USP42: variants seen among roughly 807,000 people sequenced by gnomAD.
USP42 encodes the protein ubiquitin specific peptidase 42.
In USP42, 23 loss-of-function variants were observed where a neutral mutation model predicts 113.0. The observed-to-expected ratio is 0.20, with a 90% CI of 0.15 to 0.29. The LOEUF is 0.29. Among genes scored for constraint, USP42 ranks in the 10% least tolerant of loss-of-function variants. The pLI, the probability that USP42 is intolerant of heterozygous loss-of-function variation, is 1.00. For synonymous variants in USP42, 933 were observed against 699.0 expected, an observed-to-expected ratio of 1.33 and a Z score of -5.28; for missense variants, 2,174 against 1,779.8, an observed-to-expected ratio of 1.22 and a Z score of -3.99.
chr7:6,107,228 T>A (rs959186498), intron 1 of USP42, among the ~76,000 whole-genome samples: 20 of 152,184 alleles, frequency 1.3e-4, no homozygotes, highest in Non-Finnish European at 2.2e-4. Flanking sequence ...TTGTCCCTTT[T>A]AAAAGGTAAT....
chr7:6,116,886 C>T (rs768244961), intron 3 of USP42: 15 of 527,378 alleles, frequency 2.8e-5, no homozygotes, highest in Non-Finnish European at 4.6e-5. Context: ...AGCACCTGGA[C>T]AGCAAGAGAG....
intron 14 of USP42, 85 bp downstream of exon 14, chr7:6,150,591 T>A: frequency 8.9e-7 from 1 of 1,120,604 alleles, no homozygotes; most frequent in Non-Finnish European, 1.3e-6. Flanking sequence ...TTGAATGCTG[T>A]AGAAATTTTA....
chr7:6,102,946 C>T (rs1413617317), upstream of USP42, among the ~76,000 whole-genome samples: 2 of 151,002 alleles, frequency 1.3e-5, no homozygotes, highest in Non-Finnish European at 2.9e-5. Context: ...CGAAGAAAGG[C>T]TGACTCAGGG....
At chr7:6,104,542 C>T (rs1031535846), upstream of USP42, among the ~76,000 whole-genome samples, 4 of 152,262 alleles carry the variant, frequency 2.6e-5, no homozygotes, top group African/African-American at 4.8e-5. Context: ...CCCAGGTGCC[C>T]CGCTTCTGGA....
chr7:6,154,993 C>A lies in USP42; in HGVS notation c.3439C>A (p.Leu1147Ile), dbSNP rs745712582. Residue 1147 changes from leucine (L) to isoleucine (I), a missense_variant, in exon 15 of 18, where the codon CTC becomes ATC. Physicochemically the swap from Leu to Ile is conservative, Grantham distance 5 (BLOSUM62 2). Coordinates refer to ENST00000306177, the MANE Select transcript of USP42 (RefSeq NM_032172.3). ...TALVAGDNCNLSDRFHEHENG... is the reference protein window; with the variant it reads ...TALVAGDNCNISDRFHEHENG... ...ACTTGTAGCCGGAGACAACTGTAAC[C>A]TCTCTGATCGGTTTCACGAACACGA... is the stretch of plus-strand genomic sequence containing the variant. The A allele has an allele frequency of 1.9e-6, 3 of 1,564,380 alleles. No individual in the cohort carries two copies. The highest frequency in any genetic ancestry group is 8.7e-7 in the Non-Finnish European group (1 of 1,154,088).
chr7:6,124,613 T>C (rs569581022), intron 3 of USP42, among the ~76,000 whole-genome samples: 2 of 152,340 alleles, frequency 1.3e-5, no homozygotes, highest in Admixed American at 1.3e-4. Flanking sequence ...TTGCTTTTTA[T>C]CCAATAGTAG....
In USP42 at chr7:6,157,035, G is replaced by A. The variant is rs752996936; in HGVS notation, c.3923G>A (p.Arg1308His). ...ATGGAAAGCAGGGATGACAGGTGTC[G>A]TCTCTTTGAGTATGGCCAGGGTAAG... ...LRMESRDDRC[R>H]LFEYGQGD Residue 1308 changes from arginine (R) to histidine (H), a missense_variant, in exon 16 of 18, where the codon CGT (arginine) becomes CAT (histidine). Transcript: ENST00000306177. The surrounding 1 kb of genome is among the most constrained non-coding windows in gnomAD (Gnocchi z 4.1). 1.4e-5 allele frequency: 23 copies of A among 1,608,280 alleles called. No individual in the cohort carries two copies. Among genetic ancestry groups the A allele is most frequent in the Middle Eastern group, 1.6e-4 (1 of 6,068 alleles).
the USP42 span, among the ~76,000 whole-genome samples, chr7:6,093,312 G>A: frequency 7.0e-6 from 1 of 142,688 alleles, no homozygotes; most frequent in South Asian, 2.2e-4. Flanking sequence ...TTGGGACCAA[G>A]TCTCACTCTG....
Position 6,153,703 on chromosome 7 carries a change from T to C in USP42, c.2202-53T>C, listed in dbSNP as rs548231075. The C allele has an allele frequency of 4.9e-6, 7 of 1,419,768 alleles. No homozygotes were observed. The South Asian group carries it at 9.8e-5, about 20-fold the overall frequency. The allele number at this position is 1,419,768 out of a possible 1,614,324, so 87.9% of individuals were successfully genotyped here. A position where few individuals can be genotyped will look rare whatever the true frequency, so the allele number is the denominator to read the frequency against. On this transcript the variant is annotated intron_variant, in intron 14 of 17. Transcript: ENST00000306177. ...TATTTGTCCTTGTAATGCAATGACA[T>C]GAGCCTGTCAAGCCCACGCTAACGG...
In USP42 at chr7:6,157,401, T is replaced by A; in HGVS notation, c.3943+346T>A. Reference sequence around the variant, plus strand: ...TTGGTTTTATTTTATTTTATTTTATTTATTTTATTTTTTGAGACGGAGTCT... The same window carrying A: ...TTGGTTTTATTTTATTTTATTTTATATATTTTATTTTTTGAGACGGAGTCT... On this transcript the variant is annotated intron_variant, in intron 16 of 17. Transcript: ENST00000306177. This position sits in a 1 kb window ranked among gnomAD's most constrained non-coding sequence, Gnocchi z 4.1. 1.0e-6 allele frequency: 1 copy of A among 984,990 alleles called. No individual in the cohort carries two copies. Among genetic ancestry groups the A allele is most frequent in the Non-Finnish European group, 1.2e-6 (1 of 828,364 alleles). The allele number at this position is 984,990 out of a possible 1,614,324, so 61.0% of individuals were successfully genotyped here.
intron 3 of USP42, among the ~76,000 whole-genome samples, chr7:6,132,937 C>G (rs1291146766): frequency 6.6e-6 from 1 of 152,220 alleles, no homozygotes; most frequent in Non-Finnish European, 1.5e-5. Context: ...TCCCAAAGTG[C>G]TGGGATTACA....
At chr7:6,146,294 C>A in intron 11 of USP42, 46 bp downstream of exon 11, 1 of 1,107,076 alleles carries the variant, frequency 9.0e-7, no homozygotes, top group East Asian at 2.6e-5. Context: ...TATGTCATTT[C>A]TTCTTGTCTT....
rs1562805030 is a variant in USP42, at chr7:6,114,654, G to GTATATATATATATA, written c.242-668_242-667insATATATATATATAT. On this transcript the variant is annotated intron_variant, in intron 2 of 17. Transcript: ENST00000306177. Reference sequence around the variant, plus strand: ...TGTGTGTGTATATATGTATGTGTGTGTGTATATATATATATATATATATAT... The same window carrying GTATATATATATATA: ...TGTGTGTGTATATATGTATGTGTGTGTATATATATATATATGTATATATATATATATATATATAT... Among the ~76,000 whole-genome samples, 108 of 69,274 alleles carry GTATATATATATATA rather than the reference G, an allele frequency of 1.6e-3. 4 individuals are homozygous for GTATATATATATATA. Among genetic ancestry groups the GTATATATATATATA allele is most frequent in the African/African-American group, 5.9e-3 (71 of 11,940 alleles). 45.4% of individuals were successfully genotyped at this position (69,274 alleles called of 152,430 possible). A position where few individuals can be genotyped will look rare whatever the true frequency, so the allele number is the denominator to read the frequency against.
At position 6,154,895 on chromosome 7, in the gene USP42, C is replaced by T. The variant is rs1782343084; in HGVS notation, c.3341C>T (p.Pro1114Leu). The T allele has an allele frequency of 6.5e-7, 1 of 1,541,570 alleles. No individual in the cohort carries two copies. The highest frequency in any genetic ancestry group is 2.0e-5 in the Admixed American group (1 of 49,956). The change falls in exon 15 of 18, where the codon CCC becomes CTC. Residue 1114 changes from proline (P) to leucine (L), a missense_variant. Pro to Leu is a moderately conservative substitution (Grantham distance 98). Transcript: ENST00000306177. ...GCCCGGGAGAGGGAGCGGCACCGCC[C>T]CAGCAGCCCCCGCGCAGGCGCGCCC... ...EPARERERHRPSSPRAGAPHA... is the reference protein window; with the variant it reads ...EPARERERHRLSSPRAGAPHA...
chr7:6,107,472 C>T (rs1232443675), intron 1 of USP42, among the ~76,000 whole-genome samples: 6 of 149,436 alleles, frequency 4.0e-5, no homozygotes, highest in Admixed American at 1.3e-4. Context: ...GGCAATGGCG[C>T]GATCTCGGCT....
At chr7:6,101,261 T>C (rs1405808988), upstream of USP42, among the ~76,000 whole-genome samples, 1 of 150,912 alleles carries the variant, frequency 6.6e-6, no homozygotes, top group Non-Finnish European at 1.5e-5. Context: ...GGGTGGGGCA[T>C]TAACAGTGCC....
At chr7:6,140,290 A>C in intron 6 of USP42, 95 bp downstream of exon 6, 1 of 1,155,758 alleles carries the variant, frequency 8.7e-7, no homozygotes, top group Non-Finnish European at 1.3e-6. Flanking sequence ...GAAGGAAGGA[A>C]AAGTGCTTCT....
chr7:6,136,452 T>C (rs1316859644), intron 4 of USP42, among the ~76,000 whole-genome samples: 2 of 152,226 alleles, frequency 1.3e-5, no homozygotes, highest in Non-Finnish European at 2.9e-5. Flanking sequence ...TTTGAAACTT[T>C]AAAGCAAAAG....
intron 1 of USP42, among the ~76,000 whole-genome samples, chr7:6,109,700 C>CTT (rs34684085): frequency 1.5e-4 from 19 of 125,582 alleles, no homozygotes; most frequent in Admixed American, 3.3e-4. Context: ...CCCGCCCGGC[C>CTT]TTTTTTTTTT....
Sources: allele counts gnomAD v4.1 joint callset (sites outside exome capture counted in the v4.1 genomes callset), GRCh38; gene constraint gnomAD v4.1.1; non-coding constraint Gnocchi (gnomAD v3.1); transcripts MANE v1.5; gene names NCBI Gene and HGNC (gene_info 2026-07-23, HGNC 2026-07-21).